The following GAREM1 variants were observed in gnomAD, a reference collection of about 807,000 sequenced individuals.
GAREM1 encodes GRB2-associated and regulator of MAPK protein 1.
Under a neutral mutation model 71.3 loss-of-function variants are expected in GAREM1, and 26 were observed. The ratio of observed to expected loss-of-function variants is 0.36; its 90% confidence interval spans 0.27 to 0.51. The LOEUF is 0.51. Ranked by LOEUF, GAREM1 falls within the 20% of genes least tolerant of loss-of-function variation. The pLI, the probability that GAREM1 is intolerant of heterozygous loss-of-function variation, is 0.95. For synonymous variants in GAREM1, 440 were observed against 433.2 expected, an observed-to-expected ratio of 1.02 and a Z score of -0.20; for missense variants, 1,026 against 1,103.1, an observed-to-expected ratio of 0.93 and a Z score of 0.99.
At chr18:32,355,696 T>A (rs578033420) in intron 2 of GAREM1, among the ~76,000 whole-genome samples, 18 of 152,208 alleles carry the variant, frequency 1.2e-4, no homozygotes, top group Admixed American at 2.0e-4. Context: ...TTACATTTTA[T>A]ATAAATTCAC....
Position 32,348,604 on chromosome 18 carries a change from A to G in GAREM1, c.263-38281T>C, listed in dbSNP as rs565550840. Among the ~76,000 whole-genome samples, 203 of 152,188 alleles carry G rather than the reference A, an allele frequency of 1.3e-3. 1 individual carries two copies. Among genetic ancestry groups the G allele is most frequent in the African/African-American group, 4.7e-3 (194 of 41,534 alleles). On this transcript the variant is annotated intron_variant, in intron 2 of 5. Coordinates refer to ENST00000269209, the MANE Select transcript of GAREM1 (RefSeq NM_001242409.2). ...CTGGGCGTGGTGGTGCGTGCTTGTA[A>G]TTCCAGCTACTGAGGAGGCTGAGGC...
intron 3 of GAREM1, among the ~76,000 whole-genome samples, chr18:32,291,647 C>T (rs985481296): frequency 2.0e-5 from 3 of 151,566 alleles, no homozygotes; most frequent in Non-Finnish European, 4.4e-5. Context: ...TCTCCCTTAG[C>T]CCCCCACCCC....
chr18:32,452,003 G>C (rs2048844846), intron 1 of GAREM1, among the ~76,000 whole-genome samples: 1 of 152,120 alleles, frequency 6.6e-6, no homozygotes, highest in African/African-American at 2.4e-5. Flanking sequence ...GTTAAATCAA[G>C]TTAGAGTTAA....
intron 2 of GAREM1, among the ~76,000 whole-genome samples, chr18:32,373,490 A>G (rs1297951836): frequency 6.6e-6 from 1 of 152,162 alleles, no homozygotes; most frequent in Non-Finnish European, 1.5e-5. Flanking sequence ...AGAGAGACCC[A>G]GACCTACATT....
intron 3 of GAREM1, among the ~76,000 whole-genome samples, chr18:32,300,713 C>T (rs2047191119): frequency 6.6e-6 from 1 of 151,988 alleles, no homozygotes; most frequent in South Asian, 2.1e-4. Context: ...TCGAGACCAG[C>T]CTGACCAACA....
At chr18:32,433,526 T>C (rs2048644651) in intron 1 of GAREM1, among the ~76,000 whole-genome samples, 1 of 151,722 alleles carries the variant, frequency 6.6e-6, no homozygotes, top group South Asian at 2.1e-4. Context: ...ATTGTCCCCA[T>C]TTTCAGAGAA....
intron 1 of GAREM1, among the ~76,000 whole-genome samples, chr18:32,429,531 C>T (rs2048604270): frequency 6.6e-6 from 1 of 152,298 alleles, no homozygotes; most frequent in African/African-American, 2.4e-5. Context: ...AAAGCAGAGG[C>T]TGCATGCCAT....
chr18:32,451,816 C>G (rs1229991939), intron 1 of GAREM1, among the ~76,000 whole-genome samples: 2 of 152,152 alleles, frequency 1.3e-5, no homozygotes, highest in Non-Finnish European at 2.9e-5. Flanking sequence ...ATTGGAGGAG[C>G]ATGTTTGCAA....
At chr18:32,398,383 T>G (rs1343268170) in intron 1 of GAREM1, among the ~76,000 whole-genome samples, 2 of 152,000 alleles carry the variant, frequency 1.3e-5, no homozygotes, top group African/African-American at 4.8e-5. Flanking sequence ...CAGGAGCTGG[T>G]TTTTTGGAAA....
At chr18:32,444,958 T>G (rs934451624) in intron 1 of GAREM1, among the ~76,000 whole-genome samples, 1 of 152,160 alleles carries the variant, frequency 6.6e-6, no homozygotes, top group African/African-American at 2.4e-5. Flanking sequence ...AGGCAATACT[T>G]CCTTCTTGTA....
intron 2 of GAREM1, among the ~76,000 whole-genome samples, chr18:32,386,836 T>C (rs1244978630): frequency 1.3e-5 from 2 of 152,156 alleles, no homozygotes; most frequent in Non-Finnish European, 1.5e-5. Flanking sequence ...ATACCATTGA[T>C]TTTGTATTAC....
chr18:32,376,267 T>C (rs1359848733), intron 2 of GAREM1, among the ~76,000 whole-genome samples: 2 of 152,206 alleles, frequency 1.3e-5, no homozygotes, highest in African/African-American at 2.4e-5. Context: ...TCCACTTAGA[T>C]CAGGCCAAGG....
chr18:32,310,135 C>A (rs2144518126), intron 3 of GAREM1, 58 bp downstream of exon 3: 2 of 1,588,730 alleles, frequency 1.3e-6, no homozygotes, highest in Middle Eastern at 1.7e-4. Context: ...TACATCCAGA[C>A]TTGAAAGTTA....
At chr18:32,272,127 T>C (rs1032918162) in intron 4 of GAREM1, among the ~76,000 whole-genome samples, 1 of 152,176 alleles carries the variant, frequency 6.6e-6, no homozygotes, top group Admixed American at 6.5e-5. Flanking sequence ...TGAGTTTGCT[T>C]AAGCGGAAAT....
rs576953945 is a variant in GAREM1 at position 32,354,817 on chromosome 18, C to T, written c.262+38078G>A. On this transcript the variant is annotated intron_variant, in intron 2 of 5. Transcript: ENST00000269209. ...ATGTTTTGTAAGAAACCAGAAGACA[C>T]AGGCAAATAAGTGAAGAGGGAGTGT... Among the ~76,000 whole-genome samples, 238 of 152,288 alleles carry T rather than the reference C, an allele frequency of 1.6e-3. 1 individual carries two copies. Among genetic ancestry groups the T allele is most frequent in the African/African-American group, 5.4e-3 (225 of 41,564 alleles).
chr18:32,367,387 A>T (rs2047936791), intron 2 of GAREM1, among the ~76,000 whole-genome samples: 1 of 152,194 alleles, frequency 6.6e-6, no homozygotes, highest in African/African-American at 2.4e-5. Context: ...CTTGTCTAAG[A>T]CTAAGATTAT....
intron 2 of GAREM1, among the ~76,000 whole-genome samples, chr18:32,381,957 C>T (rs77435635): frequency 0.036 from 5,410 of 152,248 alleles, 145 homozygotes; most frequent in East Asian, 0.11. Context: ...TCAACAATTC[C>T]ATGGCATTTT....
At chr18:32,469,707 C>T (rs1036777503) in intron 1 of GAREM1, among the ~76,000 whole-genome samples, 6 of 152,100 alleles carry the variant, frequency 3.9e-5, no homozygotes, top group African/African-American at 1.4e-4. Flanking sequence ...ATGCGCTAAA[C>T]CTAATAGTTA....
At chr18:32,320,497 AG>A (rs1223896570) in intron 2 of GAREM1, among the ~76,000 whole-genome samples, 1 of 152,188 alleles carries the variant, frequency 6.6e-6, no homozygotes, top group Non-Finnish European at 1.5e-5. Context: ...AGGAGGGGTA[AG>A]GAACAAGTCT....
Sources: gnomAD v4.1 joint callset for allele counts (sites outside exome capture counted in the v4.1 genomes callset) on GRCh38, gnomAD v4.1.1 for gene constraint, MANE v1.5 for transcripts, NCBI Gene and HGNC (gene_info 2026-07-23, HGNC 2026-07-21) for gene names.